Variants in NRXN1 observed in about 807,000 individuals in gnomAD.
NRXN1 encodes neurexin-1.
In NRXN1, 39 loss-of-function variants were observed where a neutral mutation model predicts 150.9. The ratio of observed to expected loss-of-function variants is 0.26; its 90% CI spans 0.20 to 0.34. The LOEUF is 0.34. NRXN1 is among the 10% of genes least tolerant of loss of function. NRXN1 has a pLI of 1.00. For missense variants in NRXN1, 1,815 were observed against 1,949.9 expected (o/e 0.93, Z 1.30); for synonymous variants, 924 against 757.0 (o/e 1.22, Z -3.62).
chr2:50,798,722 C>T (rs1048389081), intron 5 of NRXN1, among the ~76,000 whole-genome samples: 1 of 152,132 alleles, frequency 6.6e-6, no homozygotes, highest in Non-Finnish European at 1.5e-5. Context: ...AAGTCAATGC[C>T]GTGTCTCAAA....
chr2:50,884,017 A>C (rs374420794), intron 5 of NRXN1, among the ~76,000 whole-genome samples: 7 of 151,816 alleles, frequency 4.6e-5, no homozygotes, highest in Non-Finnish European at 8.8e-5. Flanking sequence ...AGTTTGTGAA[A>C]ATTCATTTAT....
rs1384534235 is a variant in NRXN1 at position 50,762,591 on chromosome 2, A to G, written c.833-138976T>C. On this transcript the variant is annotated intron_variant, in intron 5 of 22. Coordinates refer to ENST00000401669, the MANE Select transcript of NRXN1 (RefSeq NM_001330078.2). ...CCACTTATGAGTGGGAACATACGGT[A>G]TTTGGTTCACTGTTGCTGCATTTAT... is the stretch of plus-strand genomic sequence containing the variant. Among the ~76,000 whole-genome samples, 7 of 151,860 alleles carry G rather than the reference A, an allele frequency of 4.6e-5. 1 individual carries two copies. The highest frequency in any genetic ancestry group is 1.0e-4 in the Non-Finnish European group (7 of 67,924).
chr2:50,873,994 A>G (rs1389678564), intron 5 of NRXN1, among the ~76,000 whole-genome samples: 1 of 151,932 alleles, frequency 6.6e-6, no homozygotes, highest in Non-Finnish European at 1.5e-5. Flanking sequence ...AATTTATAAT[A>G]ATGCTGCCCA....
chr2:50,548,406 T>C (rs2093540873), intron 9 of NRXN1, among the ~76,000 whole-genome samples: 1 of 152,210 alleles, frequency 6.6e-6, no homozygotes, highest in Non-Finnish European at 1.5e-5. Context: ...GTTTTTATCC[T>C]ATATCATATA....
At chr2:50,291,240 G>C (rs937793544) in intron 17 of NRXN1, among the ~76,000 whole-genome samples, 3 of 147,052 alleles carry the variant, frequency 2.0e-5, no homozygotes, top group Admixed American at 2.0e-4. Context: ...CAAATAACCT[G>C]GTTTATTTTT....
intron 17 of NRXN1, among the ~76,000 whole-genome samples, chr2:50,438,465 A>T (rs1558732787): frequency 1.3e-5 from 2 of 152,166 alleles, no homozygotes; most frequent in South Asian, 2.1e-4. Context: ...TTCTGAGCTG[A>T]CTCAAAAATG....
At chr2:50,647,733 G>C (rs945610502) in intron 5 of NRXN1, among the ~76,000 whole-genome samples, 2 of 151,840 alleles carry the variant, frequency 1.3e-5, no homozygotes, top group Admixed American at 1.3e-4. Flanking sequence ...ATTCAGGAAA[G>C]TTTGTAAATA....
At chr2:49,974,431 C>G (rs569318932) in intron 21 of NRXN1, among the ~76,000 whole-genome samples, 1 of 152,176 alleles carries the variant, frequency 6.6e-6, no homozygotes, top group Admixed American at 6.5e-5. Flanking sequence ...TATTTTCATG[C>G]ACGAACATTT....
At chr2:50,867,227 T>C (rs779295218) in intron 5 of NRXN1, among the ~76,000 whole-genome samples, 13 of 151,862 alleles carry the variant, frequency 8.6e-5, no homozygotes, top group Non-Finnish European at 1.8e-4. Context: ...CCATCTCCTA[T>C]GTAGTGACAG....
chr2:50,836,470 T>G (rs1351993362), intron 5 of NRXN1, among the ~76,000 whole-genome samples: 1 of 152,006 alleles, frequency 6.6e-6, no homozygotes, highest in East Asian at 1.9e-4. Flanking sequence ...ACATTCCCCT[T>G]TTGCCATCCA....
intron 17 of NRXN1, among the ~76,000 whole-genome samples, chr2:50,316,732 T>C (rs1469202932): frequency 6.6e-6 from 1 of 152,008 alleles, no homozygotes; most frequent in Non-Finnish European, 1.5e-5. Context: ...AGGTCACTTT[T>C]GATTTAATGA....
At chr2:50,900,425 C>T (rs1030656037) in intron 5 of NRXN1, among the ~76,000 whole-genome samples, 1 of 152,102 alleles carries the variant, frequency 6.6e-6, no homozygotes, top group African/African-American at 2.4e-5. Context: ...GTTATTAGGT[C>T]TAAGTCAGTT....
intron 12 of NRXN1, among the ~76,000 whole-genome samples, chr2:50,507,130 G>C (rs559725274): frequency 1.6e-4 from 24 of 152,324 alleles, no homozygotes; most frequent in African/African-American, 5.8e-4. Context: ...GACTCTGGGA[G>C]AAGGTACTAT....
intron 2 of NRXN1, among the ~76,000 whole-genome samples, chr2:50,962,667 T>A (rs980682006): frequency 6.6e-6 from 1 of 151,676 alleles, no homozygotes; most frequent in Non-Finnish European, 1.5e-5. Context: ...GTTTTGCCTC[T>A]GAAGTTATGA....
chr2:49,964,340 G>A (rs1423241871), intron 21 of NRXN1, among the ~76,000 whole-genome samples: 1 of 152,118 alleles, frequency 6.6e-6, no homozygotes, highest in East Asian at 1.9e-4. Context: ...AGCACTTTGG[G>A]AGGCTGAGGT....
At chr2:50,265,428 C>A (rs1234366195) in intron 17 of NRXN1, among the ~76,000 whole-genome samples, 5 of 152,086 alleles carry the variant, frequency 3.3e-5, no homozygotes, top group Non-Finnish European at 7.4e-5. Context: ...AAGGGCTTAT[C>A]ATAAAGAGGG....
intron 15 of NRXN1, among the ~76,000 whole-genome samples, chr2:50,487,301 T>C (rs1344306342): frequency 1.3e-5 from 2 of 152,184 alleles, no homozygotes; most frequent in African/African-American, 2.4e-5. Flanking sequence ...GTATTATTAA[T>C]TATAATGCTA....
At chr2:50,915,980 C>T (rs1231779895) in intron 5 of NRXN1, among the ~76,000 whole-genome samples, 1 of 147,384 alleles carries the variant, frequency 6.8e-6, no homozygotes, top group Non-Finnish European at 1.5e-5. Flanking sequence ...AGGACTATTA[C>T]CCATCAGTTA....
At chr2:50,583,633 C>T (rs2103689341) in intron 8 of NRXN1, among the ~76,000 whole-genome samples, 1 of 152,186 alleles carries the variant, frequency 6.6e-6, no homozygotes, top group African/African-American at 2.4e-5. Context: ...GAGTAAATAG[C>T]CAAGATTTAT....
Sources: allele counts gnomAD v4.1 joint callset (sites outside exome capture counted in the v4.1 genomes callset), GRCh38; gene constraint gnomAD v4.1.1; transcripts MANE v1.5; gene names NCBI Gene and HGNC (gene_info 2026-07-23, HGNC 2026-07-21).